The following BLTP3A variants were observed in gnomAD, a reference collection of about 807,000 sequenced individuals.
BLTP3A encodes the protein bridge-like lipid transfer protein family member 3A, also known as ICBP90 binding protein 1.
the BLTP3A span, among the ~76,000 whole-genome samples, chr6:34,831,420 G>A: frequency 4.6e-5 from 7 of 152,104 alleles, no homozygotes; most frequent in Admixed American, 3.3e-4. Context: ...GAACCACTGC[G>A]CCTGGCCCAC....
chr6:34,823,628 G>A, the BLTP3A span, among the ~76,000 whole-genome samples: 1 of 142,056 alleles, frequency 7.0e-6, no homozygotes, highest in Non-Finnish European at 1.5e-5. Flanking sequence ...CTGTAGCCTC[G>A]ACCTCCTGGG....
At chr6:34,838,079 C>G in the BLTP3A span, among the ~76,000 whole-genome samples, 1 of 152,146 alleles carries the variant, frequency 6.6e-6, no homozygotes, top group South Asian at 2.1e-4. Flanking sequence ...CTATATTGAT[C>G]TTTTTGGTGG....
the BLTP3A span, among the ~76,000 whole-genome samples, chr6:34,830,951 T>A: frequency 6.6e-6 from 1 of 152,130 alleles, no homozygotes; most frequent in Non-Finnish European, 1.5e-5. Flanking sequence ...TTATTGAAAT[T>A]TTGGATATTG....
At chr6:34,803,304 G>C in the BLTP3A span, among the ~76,000 whole-genome samples, 1 of 150,602 alleles carries the variant, frequency 6.6e-6, no homozygotes, top group East Asian at 1.9e-4. Flanking sequence ...AATTTCTTTT[G>C]TATGAAATTT....
chr6:34,800,433 T>A, the BLTP3A span, among the ~76,000 whole-genome samples: 1 of 152,110 alleles, frequency 6.6e-6, no homozygotes, highest in African/African-American at 2.4e-5. Flanking sequence ...ATATATGTAG[T>A]GAGAATGCAT....
chr6:34,861,777 G>C, the BLTP3A span, among the ~76,000 whole-genome samples: 2 of 152,110 alleles, frequency 1.3e-5, no homozygotes, highest in Admixed American at 6.5e-5. Flanking sequence ...TGGAGATGTG[G>C]TTTCACCATG....
chr6:34,853,549 C>T, the BLTP3A span, among the ~76,000 whole-genome samples: 1 of 151,926 alleles, frequency 6.6e-6, no homozygotes, highest in Non-Finnish European at 1.5e-5. Context: ...ACCTCCTCCT[C>T]TAAAAATTCT....
the BLTP3A span, among the ~76,000 whole-genome samples, chr6:34,820,165 TAA>T: frequency 6.8e-6 from 1 of 147,698 alleles, no homozygotes; most frequent in Non-Finnish European, 1.5e-5. Context: ...CAAGTAGTGC[TAA>T]AAAAAAAAAT....
At chr6:34,856,189 A>G in the BLTP3A span, 1 of 1,579,148 alleles carries the variant, frequency 6.3e-7, no homozygotes, top group Non-Finnish European at 8.6e-7. Flanking sequence ...AAAAATTGGA[A>G]CATTCATCAT....
the BLTP3A span, chr6:34,859,043 C>A: frequency 2.5e-6 from 4 of 1,614,186 alleles, no homozygotes; most frequent in Non-Finnish European, 3.4e-6. Context: ...GCTGACTCTG[C>A]AGGCTCAGAT....
chr6:34,842,572 G>T, the BLTP3A span, among the ~76,000 whole-genome samples: 1 of 152,024 alleles, frequency 6.6e-6, no homozygotes, highest in Admixed American at 6.6e-5. Flanking sequence ...AGCCAGGCAC[G>T]GTGGCTCACA....
the BLTP3A span, among the ~76,000 whole-genome samples, chr6:34,863,592 G>A: frequency 0.45 from 67,755 of 151,834 alleles, 17,145 homozygotes; most frequent in African/African-American, 0.7. Flanking sequence ...CAATTTATCC[G>A]TCTCCCACTC....
chr6:34,816,218 A>ATT, the BLTP3A span, among the ~76,000 whole-genome samples: 2 of 152,214 alleles, frequency 1.3e-5, no homozygotes, highest in Non-Finnish European at 2.9e-5. Context: ...AGTATAACTT[A>ATT]TTCTTGACTG....
the BLTP3A span, among the ~76,000 whole-genome samples, chr6:34,848,623 C>T: frequency 6.7e-6 from 1 of 149,670 alleles, no homozygotes; most frequent in Non-Finnish European, 1.5e-5. Flanking sequence ...AAAAAAAATA[C>T]ATAGCTATTC....
At chr6:34,794,800 T>C in the BLTP3A span, among the ~76,000 whole-genome samples, 1 of 152,026 alleles carries the variant, frequency 6.6e-6, no homozygotes, top group African/African-American at 2.4e-5. Context: ...GTTTTTTTTT[T>C]TTTGAGACGG....
At chr6:34,828,293 A>C in the BLTP3A span, among the ~76,000 whole-genome samples, 1 of 151,968 alleles carries the variant, frequency 6.6e-6, no homozygotes, top group East Asian at 1.9e-4. Context: ...TCTACTAAAA[A>C]TACAAAAATT....
chr6:34,809,711 T>C, the BLTP3A span, among the ~76,000 whole-genome samples: 3 of 152,038 alleles, frequency 2.0e-5, no homozygotes, highest in Non-Finnish European at 4.4e-5. Context: ...TGTGCCACCA[T>C]GCCCGGCTAA....
the BLTP3A span, among the ~76,000 whole-genome samples, chr6:34,853,955 C>T: frequency 1.3e-5 from 2 of 152,130 alleles, no homozygotes; most frequent in Admixed American, 1.3e-4. Context: ...GGTGGCTTAT[C>T]CCTGCAGTTT....
chr6:34,805,528 G>T, the BLTP3A span, among the ~76,000 whole-genome samples: 3 of 150,986 alleles, frequency 2.0e-5, no homozygotes, highest in African/African-American at 4.9e-5. Flanking sequence ...GGGAGGCGGA[G>T]GTTGCAGTGA....
Sources: allele counts gnomAD v4.1 joint callset (sites outside exome capture counted in the v4.1 genomes callset), GRCh38; gene constraint gnomAD v4.1.1; transcripts MANE v1.5; gene names NCBI Gene and HGNC (gene_info 2026-07-23, HGNC 2026-07-21).